The following TNR variants were observed in gnomAD, a reference collection of about 807,000 sequenced individuals.
The protein encoded by TNR is tenascin R, also known as tenascin-R.
A neutral mutation model predicts 150.4 loss-of-function variants in TNR; 45 were observed. That is an observed-to-expected ratio of 0.30 (90% CI 0.24 to 0.38). The LOEUF (loss-of-function observed/expected upper bound fraction) is 0.38. Among genes scored for constraint, TNR ranks in the 10% least tolerant of loss-of-function variants. TNR has a pLI of 1.00. For missense variants in TNR, 1,544 were observed against 1,759.1 expected, an observed-to-expected ratio of 0.88 and a Z score of 2.19; for synonymous variants, 687 against 678.4, an observed-to-expected ratio of 1.01 and a Z score of -0.20.
chr1:175,735,585 A>T (rs531531563), intron 1 of TNR, among the ~76,000 whole-genome samples: 1 of 152,350 alleles, frequency 6.6e-6, no homozygotes, highest in African/African-American at 2.4e-5. Flanking sequence ...ACTTGTGGAG[A>T]TAAATTCAAA....
chr1:175,677,980 G>C (rs1356285728), intron 1 of TNR, among the ~76,000 whole-genome samples: 1 of 152,136 alleles, frequency 6.6e-6, no homozygotes, highest in East Asian at 1.9e-4. Context: ...CCACCGAGAA[G>C]TGCATTAGGC....
At chr1:175,432,437 A>G (rs1242791443) in intron 2 of TNR, among the ~76,000 whole-genome samples, 1 of 152,230 alleles carries the variant, frequency 6.6e-6, no homozygotes, top group African/African-American at 2.4e-5. Context: ...AGGCAGCAAA[A>G]GTCACCCCTA....
At chr1:175,331,058 T>TTTCTTTCCTTC (rs1553203363) in intron 20 of TNR, among the ~76,000 whole-genome samples, 34 of 116,276 alleles carry the variant, frequency 2.9e-4, no homozygotes, top group East Asian at 4.7e-4. Flanking sequence ...TCTTTCTTTC[T>TTTCTTTCCTTC]TTCTTTCTTT....
At chr1:175,614,555 T>C (rs1663707187) in intron 1 of TNR, among the ~76,000 whole-genome samples, 2 of 152,224 alleles carry the variant, frequency 1.3e-5, no homozygotes, top group African/African-American at 4.8e-5. Context: ...TCCTTGATTA[T>C]TTCATCCCTC....
At chr1:175,483,325 C>A (rs1473159694) in intron 2 of TNR, among the ~76,000 whole-genome samples, 1 of 152,076 alleles carries the variant, frequency 6.6e-6, no homozygotes, top group Non-Finnish European at 1.5e-5. Flanking sequence ...TTTTCAGGAG[C>A]AGAAGGAGAG....
intron 2 of TNR, among the ~76,000 whole-genome samples, chr1:175,447,857 G>A (rs745858333): frequency 6.6e-6 from 1 of 152,082 alleles, no homozygotes; most frequent in Admixed American, 6.5e-5. Flanking sequence ...ATGTAATGTG[G>A]GACCAATTAT....
chr1:175,669,533 C>T (rs1047959584), intron 1 of TNR, among the ~76,000 whole-genome samples: 2 of 152,212 alleles, frequency 1.3e-5, no homozygotes, highest in Non-Finnish European at 2.9e-5. Context: ...AGTAAATCTT[C>T]AGGTGTTCCT....
intron 1 of TNR, among the ~76,000 whole-genome samples, chr1:175,613,253 G>A (rs1339235389): frequency 6.6e-6 from 1 of 152,120 alleles, no homozygotes; most frequent in Non-Finnish European, 1.5e-5. Context: ...TCTGTAGCTA[G>A]GTCCTATTTT....
intron 1 of TNR, among the ~76,000 whole-genome samples, chr1:175,741,873 C>T (rs1293425431): frequency 6.6e-6 from 1 of 152,114 alleles, no homozygotes; most frequent in Non-Finnish European, 1.5e-5. Context: ...GAAACCACCC[C>T]ACCTTGCCTA....
At chr1:175,741,870 C>G (rs1376696443) in intron 1 of TNR, among the ~76,000 whole-genome samples, 3 of 152,156 alleles carry the variant, frequency 2.0e-5, no homozygotes, top group Non-Finnish European at 4.4e-5. Flanking sequence ...AGTGAAACCA[C>G]CCCACCTTGC....
chr1:175,522,550 T>C (rs113520188), intron 2 of TNR, among the ~76,000 whole-genome samples: 86 of 150,970 alleles, frequency 5.7e-4, no homozygotes, highest in African/African-American at 2.0e-3. Context: ...CAATAACCTA[T>C]GGAAATAAAA....
At chr1:175,522,616 C>CA (rs1659684748) in intron 2 of TNR, among the ~76,000 whole-genome samples, 1 of 151,820 alleles carries the variant, frequency 6.6e-6, no homozygotes, top group African/African-American at 2.4e-5. Context: ...AATCTGTAGG[C>CA]AAAACAATGA....
intron 1 of TNR, among the ~76,000 whole-genome samples, chr1:175,631,922 A>G (rs868139745): frequency 1.5e-4 from 23 of 152,354 alleles, no homozygotes; most frequent in South Asian, 8.3e-4. Flanking sequence ...GGAATTTTAA[A>G]ATCATGTTTA....
At chr1:175,331,042 T>TTTCTTTCTTTCTTTCCTTCCTTCCTTCC (rs1557867471) in intron 20 of TNR, among the ~76,000 whole-genome samples, 29 of 68,834 alleles carry the variant, frequency 4.2e-4, no homozygotes, top group African/African-American at 1.5e-3. Flanking sequence ...TCTTTCTTTC[T>TTTCTTTCTTTCTTTCCTTCCTTCCTTCC]TTCTTTCTTT....
At chr1:175,585,247 T>A (rs1023956749) in intron 1 of TNR, among the ~76,000 whole-genome samples, 3 of 152,162 alleles carry the variant, frequency 2.0e-5, no homozygotes, top group Non-Finnish European at 4.4e-5. Flanking sequence ...TTGCCTAAGG[T>A]CATATAACTA....
At chr1:175,584,539 T>C (rs1458153780) in intron 1 of TNR, among the ~76,000 whole-genome samples, 1 of 152,178 alleles carries the variant, frequency 6.6e-6, no homozygotes, top group African/African-American at 2.4e-5. Flanking sequence ...AGGAAACTAA[T>C]ATAGGTGGCC....
intron 2 of TNR, among the ~76,000 whole-genome samples, chr1:175,492,706 T>C (rs967887029): frequency 6.6e-6 from 1 of 152,142 alleles, no homozygotes; most frequent in African/African-American, 2.4e-5. Context: ...AAAAAAATCC[T>C]ACGTGGGTGT....
intron 1 of TNR, among the ~76,000 whole-genome samples, chr1:175,667,043 A>G (rs928358589): frequency 1.3e-5 from 2 of 152,130 alleles, no homozygotes; most frequent in African/African-American, 4.8e-5. Flanking sequence ...ATGAGCCACC[A>G]TACCCAGCCA....
At chr1:175,546,626 G>A (rs1163806061) in intron 1 of TNR, among the ~76,000 whole-genome samples, 1 of 152,162 alleles carries the variant, frequency 6.6e-6, no homozygotes, top group Non-Finnish European at 1.5e-5. Flanking sequence ...GTGCCTTTCA[G>A]GAGGCATTTC....
Sources: allele counts gnomAD v4.1 joint callset (sites outside exome capture counted in the v4.1 genomes callset), GRCh38; gene constraint gnomAD v4.1.1; transcripts MANE v1.5; gene names NCBI Gene and HGNC (gene_info 2026-07-23, HGNC 2026-07-21).